TSTD2: variants seen among roughly 807,000 people sequenced by gnomAD.
The protein encoded by TSTD2 is thiosulfate sulfurtransferase like domain containing 2.
A neutral mutation model predicts 47.9 loss-of-function variants in TSTD2; 37 were observed. That is an observed-to-expected ratio of 0.77 (90% CI 0.59 to 1.02). The LOEUF (loss-of-function observed/expected upper bound fraction) is 1.02. Ranked by LOEUF, TSTD2 falls within the 50% of genes least tolerant of loss-of-function variation. TSTD2 has a pLI of 0.00. For missense variants in TSTD2, 586 were observed against 616.0 expected, an observed-to-expected ratio of 0.95 and a Z score of 0.52; for synonymous variants, 201 against 215.9, an observed-to-expected ratio of 0.93 and a Z score of 0.61.
chr9:97,605,560 A>G lies in TSTD2; in HGVS notation c.1036T>C (p.Phe346Leu). The G allele has an allele frequency of 6.2e-7, 1 of 1,614,206 alleles. No individual in the cohort carries two copies. Among genetic ancestry groups the G allele is most frequent in the Non-Finnish European group, 8.5e-7 (1 of 1,180,038 alleles). ...PSYVDKNLEL[F>L]REKRVLMYCT... The stretch of plus-strand genomic sequence containing the variant: ...TACATCAGCACTCTCTTCTCTCTGA[A>G]AAGTTCTAGATTTTTGTCAACGTAG... The change falls in exon 8 of 10, where the codon TTC becomes CTC. Residue 346 changes from phenylalanine (F) to leucine (L), a missense_variant. Coordinates refer to ENST00000341170, the MANE Select transcript of TSTD2 (RefSeq NM_139246.5).
chr9:97,613,891 C>G (rs915067905), intron 4 of TSTD2, among the ~76,000 whole-genome samples: 13 of 147,454 alleles, frequency 8.8e-5, no homozygotes, highest in African/African-American at 3.3e-4. Context: ...TGCAGTGGTG[C>G]AATCTCGGCT....
In TSTD2 at chr9:97,625,813, ACAGC is replaced by A; in HGVS notation, c.346_349del (p.Ala116Ter). The stretch of plus-strand genomic sequence containing the variant: ...AAGACTCTTTGAGGTGCTCAATGTC[ACAGC>A]CAGTTGCTTTAAAATAGAAGCTGTC... On this transcript the variant is annotated frameshift_variant, in exon 3 of 10. Transcript: ENST00000341170. LOFTEE classifies it high-confidence loss of function. 1.2e-6 allele frequency: 2 copies of A among 1,614,168 alleles called. No individual in the cohort carries two copies.
intron 1 of TSTD2, among the ~76,000 whole-genome samples, chr9:97,629,877 G>C (rs1826782341): frequency 6.6e-6 from 1 of 152,176 alleles, no homozygotes; most frequent in Non-Finnish European, 1.5e-5. Context: ...ATTGTCGAAA[G>C]GAATTACTAT....
chr9:97,626,453 TA>T (rs1388872319), intron 2 of TSTD2, among the ~76,000 whole-genome samples: 1 of 152,200 alleles, frequency 6.6e-6, no homozygotes. Context: ...TAAAATTGCT[TA>T]TGCAATGTAA....
At chr9:97,614,195 T>C (rs1282202746) in intron 4 of TSTD2, among the ~76,000 whole-genome samples, 7 of 152,172 alleles carry the variant, frequency 4.6e-5, no homozygotes, top group African/African-American at 1.2e-4. Flanking sequence ...TGCCAACTCA[T>C]TGGAAGTGGT....
chr9:97,626,990 T>C (rs1382640273), intron 2 of TSTD2, among the ~76,000 whole-genome samples: 1 of 152,208 alleles, frequency 6.6e-6, no homozygotes, highest in Non-Finnish European at 1.5e-5. Context: ...ATCTATTTGT[T>C]TATTTCTGGC....
intron 8 of TSTD2, 104 bp downstream of exon 8, chr9:97,605,379 C>T: frequency 6.9e-7 from 1 of 1,440,060 alleles, no homozygotes; most frequent in Non-Finnish European, 9.4e-7. Flanking sequence ...CTTTGGCTGC[C>T]TGGGGGTGGG....
Position 97,605,610 on chromosome 9 carries a change from A to T in TSTD2, c.986T>A (p.Ile329Asn). ...GRFQGCLAPD[I>N]RKFSYFPSYV... is the part of the protein sequence containing the mutation. ...GCTAGGGAAGTAACTGAATTTCCTGATGTCTGGGGCTAAGCAGCCTTGGAA... is the reference window on the plus strand; with the variant it reads ...GCTAGGGAAGTAACTGAATTTCCTGTTGTCTGGGGCTAAGCAGCCTTGGAA... The change falls in exon 8 of 10, where the codon ATC becomes AAC. Residue 329 changes from isoleucine to asparagine, a missense_variant. Transcript: ENST00000341170. 6.2e-7 allele frequency: 1 copy of T among 1,614,212 alleles called. No individual in the cohort carries two copies. The highest frequency in any genetic ancestry group is 8.5e-7 in the Non-Finnish European group (1 of 1,180,040).
intron 9 of TSTD2, chr9:97,604,481 C>T (rs990511208): frequency 2.7e-5 from 12 of 452,350 alleles, no homozygotes; most frequent in Non-Finnish European, 4.2e-5. Flanking sequence ...GAGATGATCC[C>T]CATGTTAATG....
At chr9:97,627,755 T>C in intron 1 of TSTD2, 143 bp from the exon 2 acceptor site, 1 of 520,200 alleles carries the variant, frequency 1.9e-6, no homozygotes, top group African/African-American at 1.9e-5. Context: ...TAGTATTTAC[T>C]TAGGAACGAC....
rs1826250491 is a variant in TSTD2 at position 97,601,196 on chromosome 9, C to T, written c.*1273G>A. On this transcript the variant is annotated 3_prime_UTR_variant, in exon 10 of 10. Coordinates refer to ENST00000341170, the MANE Select transcript of TSTD2 (RefSeq NM_139246.5). ...TTGGCTTCTCCTTAAAACACAATTG[C>T]AGCTGCATTCTGCATCGCTGAAAAC... 7.7e-7 allele frequency: 1 copy of T among 1,295,524 alleles called. No individual in the cohort carries two copies. The highest frequency in any genetic ancestry group is 1.0e-6 in the Non-Finnish European group (1 of 983,758). 80.3% of individuals were successfully genotyped at this position (1,295,524 alleles called of 1,614,324 possible).
chr9:97,602,713 TG>T lies in TSTD2; in HGVS notation c.1306del (p.Gln436SerfsTer7), dbSNP rs757543261. 1 of 1,614,058 alleles carries T rather than the reference TG, an allele frequency of 6.2e-7. No homozygotes were observed. The highest frequency in any genetic ancestry group is 8.5e-7 in the Non-Finnish European group (1 of 1,180,030). On this transcript the variant is annotated frameshift_variant, in exon 10 of 10. Coordinates refer to ENST00000341170, the MANE Select transcript of TSTD2 (RefSeq NM_139246.5). LOFTEE classifies it low-confidence loss of function (END_TRUNC). ...WDQYKLCSTP[Q>X]CRQLVLTCPA... is the part of the protein sequence containing the mutation. ...GCAGGTCAAAACGAGCTGGCGGCAC[TG>T]GGGAGTAGAGCAGAGTTTATACTGG...
At position 97,602,040 on chromosome 9, in the gene TSTD2, TA is replaced by T. The variant is rs1826270825; in HGVS notation, c.*428del. On this transcript the variant is annotated 3_prime_UTR_variant, in exon 10 of 10. Coordinates refer to ENST00000341170, the MANE Select transcript of TSTD2 (RefSeq NM_139246.5). The stretch of plus-strand genomic sequence containing the variant: ...TCAGGCGAGAGACAGAGGTTAAGGG[TA>T]GATGGCAGATGACCTAAGTGGCTTG... 6.2e-6 allele frequency: 1 copy of T among 160,448 alleles called. No individual in the cohort carries two copies. The highest frequency in any genetic ancestry group is 1.9e-4 in the East Asian group (1 of 5,396). The allele number at this position is 160,448 out of a possible 1,614,324, so 9.9% of individuals were successfully genotyped here.
chr9:97,603,764 A>G (rs1826315168), intron 9 of TSTD2, among the ~76,000 whole-genome samples: 1 of 152,202 alleles, frequency 6.6e-6, no homozygotes, highest in South Asian at 2.1e-4. Context: ...CAGTGGCATG[A>G]TTTAAACTCA....
chr9:97,617,202 G>C (rs551374040), intron 4 of TSTD2, among the ~76,000 whole-genome samples: 1 of 152,212 alleles, frequency 6.6e-6, no homozygotes, highest in Admixed American at 6.5e-5. Flanking sequence ...CTGAAGTGGG[G>C]TATGCGCCAT....
At chr9:97,623,590 T>G (rs1160704315) in intron 3 of TSTD2, among the ~76,000 whole-genome samples, 1 of 152,244 alleles carries the variant, frequency 6.6e-6, no homozygotes, top group African/African-American at 2.4e-5. Flanking sequence ...CTGGATGCAG[T>G]GGCTCACACC....
chr9:97,605,754 C>A (rs1258799618), intron 7 of TSTD2, 113 bp from the exon 8 acceptor site: 1 of 1,347,784 alleles, frequency 7.4e-7, no homozygotes, highest in Non-Finnish European at 1.0e-6. Context: ...CTGCCAGTTG[C>A]TAATCTCATC....
At position 97,602,680 on chromosome 9, in the gene TSTD2, C is replaced by T. The variant is rs1423557636; in HGVS notation, c.1340G>A (p.Cys447Tyr). The change falls in exon 10 of 10, where the codon TGT becomes TAT. Residue 447 changes from cysteine to tyrosine, a missense_variant. Cys to Tyr is a radical substitution (Grantham distance 194). Coordinates refer to ENST00000341170, the MANE Select transcript of TSTD2 (RefSeq NM_139246.5). Reference protein sequence around the residue: ...CRQLVLTCPACQGQGFTACCV... With the variant: ...CRQLVLTCPAYQGQGFTACCV... ...ACAGGCTGTGAATCCTTGTCCTTGA[C>T]AGGCAGGGCAGGTCAAAACGAGCTG... 2.5e-6 allele frequency: 4 copies of T among 1,614,200 alleles called. No homozygotes were observed. The highest frequency in any genetic ancestry group is 3.3e-5 in the Admixed American group (2 of 60,028).
chr9:97,605,325 A>G (rs764164552), intron 8 of TSTD2, among the ~76,000 whole-genome samples, 158 bp downstream of exon 8: 12 of 152,094 alleles, frequency 7.9e-5, no homozygotes, highest in Non-Finnish European at 1.5e-4. Context: ...CAGATTTTGT[A>G]CTTACGAACT....
Sources: gnomAD v4.1 joint callset for allele counts (sites outside exome capture counted in the v4.1 genomes callset) on GRCh38, gnomAD v4.1.1 for gene constraint, MANE v1.5 for transcripts, NCBI Gene and HGNC (gene_info 2026-07-23, HGNC 2026-07-21) for gene names.